The following TBX15 variants were observed in gnomAD, a reference collection of about 807,000 sequenced individuals.
TBX15 encodes T-box transcription factor TBX15.
Under a neutral mutation model 53.9 loss-of-function variants are expected in TBX15, and 18 were observed. The ratio of observed to expected loss-of-function variants is 0.33; its 90% CI spans 0.23 to 0.49. The LOEUF is 0.49. TBX15 is among the 20% of genes least tolerant of loss of function. The probability of loss-of-function intolerance (pLI) is 0.98; values close to 1 mark genes in which losing one functional copy is unlikely to be tolerated. For synonymous variants in TBX15, 295 were observed against 278.0 expected, an observed-to-expected ratio of 1.06 and a Z score of -0.61; for missense variants, 692 against 749.5, an observed-to-expected ratio of 0.92 and a Z score of 0.90.
intron 1 of TBX15, among the ~76,000 whole-genome samples, chr1:118,963,051 A>T (rs2101683115): frequency 6.6e-6 from 1 of 152,358 alleles, no homozygotes; most frequent in East Asian, 1.9e-4. Flanking sequence ...TTATCATTAC[A>T]TTGTCTAGTC....
intron 1 of TBX15, among the ~76,000 whole-genome samples, chr1:118,961,409 T>C (rs1656867630): frequency 1.3e-5 from 2 of 152,320 alleles, no homozygotes; most frequent in Middle Eastern, 3.4e-3. Flanking sequence ...GTCTCGATGT[T>C]TGCAAAGTAC....
In TBX15 at chr1:118,893,332, A is replaced by AGAAGGAAG. The variant is rs1229778000; in HGVS notation, c.1024+5688_1024+5695dup. Among the ~76,000 whole-genome samples the AGAAGGAAG allele has an allele frequency of 1.7e-3, 134 of 77,822 alleles. 1 individual carries two copies. The highest frequency in any genetic ancestry group is 7.3e-3 in the African/African-American group (79 of 10,840). 51.1% of individuals were successfully genotyped at this position (77,822 alleles called of 152,430 possible). On this transcript the variant is annotated intron_variant, in intron 7 of 7. Transcript: ENST00000369429. ...AAGGAAGGAAAGAAAGAAAGAAGAA[A>AGAAGGAAG]GAAGGAAGGAAGGAAGGAAGGAAGG...
At chr1:118,981,303 TACACACACACACACACACAC>T (rs35594301) in intron 1 of TBX15, among the ~76,000 whole-genome samples, 1 of 146,728 alleles carries the variant, frequency 6.8e-6, no homozygotes, top group Non-Finnish European at 1.5e-5. Flanking sequence ...TTAAACTAGC[TACACACACACACACACACAC>T]ACACACACAC....
At chr1:118,969,128 C>G (rs781061742) in intron 1 of TBX15, among the ~76,000 whole-genome samples, 2 of 152,164 alleles carry the variant, frequency 1.3e-5, no homozygotes, top group African/African-American at 4.8e-5. Flanking sequence ...TCCTTAGCAT[C>G]GTGGACAAAT....
rs745705458 is a variant in TBX15 at position 118,885,400 on chromosome 1, T to G, written c.1141A>C (p.Thr381Pro). 2.5e-6 allele frequency: 4 copies of G among 1,613,718 alleles called. No individual in the cohort carries two copies. Among genetic ancestry groups the G allele is most frequent in the Non-Finnish European group, 3.4e-6 (4 of 1,179,978 alleles). Residue 381 changes from threonine (T) to proline (P), a missense_variant, in exon 8 of 8, where the codon ACT (threonine) becomes CCT (proline). Physicochemically the swap from Thr to Pro is conservative, Grantham distance 38. Coordinates refer to ENST00000369429, the MANE Select transcript of TBX15 (RefSeq NM_001330677.2). ...SPPTFHLAPN[T>P]FNVGCRESQL... ...CTTTCTCGGCAGCCCACATTGAAAG[T>G]GTTGGGGGCCAGATGAAAAGTTGGA... is the stretch of plus-strand genomic sequence containing the variant.
At chr1:118,936,389 T>G (rs1408442645) in intron 1 of TBX15, among the ~76,000 whole-genome samples, 2 of 152,200 alleles carry the variant, frequency 1.3e-5, no homozygotes, top group East Asian at 3.9e-4. Context: ...ACTTAACAGT[T>G]AATTTTGAGG....
chr1:118,967,673 T>A (rs1218641884), intron 1 of TBX15, among the ~76,000 whole-genome samples: 1 of 152,236 alleles, frequency 6.6e-6, no homozygotes, highest in African/African-American at 2.4e-5. Context: ...ACTTGTGTTT[T>A]ATTCGATTTG....
chr1:118,945,022 G>T (rs1014102461), intron 1 of TBX15, among the ~76,000 whole-genome samples: 6 of 152,200 alleles, frequency 3.9e-5, no homozygotes, highest in Admixed American at 3.3e-4. Context: ...ATTACACAAT[G>T]CTGTTTAAAA....
At chr1:118,984,482 G>A (rs868624094) in intron 1 of TBX15, among the ~76,000 whole-genome samples, 22 of 152,364 alleles carry the variant, frequency 1.4e-4, no homozygotes, top group Middle Eastern at 3.4e-3. Flanking sequence ...AGATGGCGCC[G>A]CCGAGCGCCT....
intron 1 of TBX15, among the ~76,000 whole-genome samples, chr1:118,941,679 G>C (rs1430927610): frequency 1.3e-5 from 2 of 152,058 alleles, no homozygotes; most frequent in African/African-American, 2.4e-5. Context: ...GTGTTATTAG[G>C]GGCACAAAAT....
chr1:118,923,565 A>G lies in TBX15; in HGVS notation c.732T>C (p.Val244=). Residue 244 remains valine, a synonymous_variant, in exon 5 of 8, where the codon GTT becomes GTC. Coordinates refer to ENST00000369429, the MANE Select transcript of TBX15 (RefSeq NM_001330677.2). ...TGCTGAAGTCTTTGCGAATCACATGAACTCGAGGCTGGTATTTGTGCATAG... is the reference window on the plus strand; with the variant it reads ...TGCTGAAGTCTTTGCGAATCACATGGACTCGAGGCTGGTATTTGTGCATAG... ...LHSMHKYQPR[V]HVIRKDFSSD... is the part of the protein sequence containing the mutation. 1 of 1,613,998 alleles carries G rather than the reference A, an allele frequency of 6.2e-7. No homozygotes were observed. Among genetic ancestry groups the G allele is most frequent in the Non-Finnish European group, 8.5e-7 (1 of 1,179,918 alleles).
intron 3 of TBX15, 96 bp downstream of exon 3, chr1:118,926,414 A>G: frequency 9.4e-7 from 1 of 1,059,746 alleles, no homozygotes; most frequent in Non-Finnish European, 1.4e-6. Context: ...TTCTCTGTAC[A>G]GCATGCATTG....
intron 1 of TBX15, among the ~76,000 whole-genome samples, chr1:118,980,125 T>A (rs1288661148): frequency 6.6e-6 from 1 of 152,120 alleles, no homozygotes; most frequent in Non-Finnish European, 1.5e-5. Context: ...GGATCTGAAA[T>A]TCTTGGAGAG....
chr1:118,889,856 T>G (rs2101450677), intron 7 of TBX15, among the ~76,000 whole-genome samples: 1 of 152,268 alleles, frequency 6.6e-6, no homozygotes, highest in South Asian at 2.1e-4. Context: ...CAGGCTGGTC[T>G]TAAACTCCTG....
At chr1:118,963,252 A>C (rs1240096722) in intron 1 of TBX15, among the ~76,000 whole-genome samples, 1 of 152,256 alleles carries the variant, frequency 6.6e-6, no homozygotes, top group Non-Finnish European at 1.5e-5. Flanking sequence ...AAAATATAGC[A>C]AAAAGTTGAT....
intron 2 of TBX15, among the ~76,000 whole-genome samples, chr1:118,930,217 A>C (rs1184899894): frequency 1.3e-5 from 2 of 152,212 alleles, no homozygotes; most frequent in Non-Finnish European, 2.9e-5. Flanking sequence ...CAACCAAAAT[A>C]TTATTTTACT....
chr1:118,931,514 T>G, intron 2 of TBX15, 105 bp downstream of exon 2: 2 of 1,217,650 alleles, frequency 1.6e-6, no homozygotes, highest in Non-Finnish European at 2.4e-6. Context: ...GCAAGCTGCT[T>G]TGGTTTTGTT....
At chr1:118,941,569 T>C (rs2101636040) in intron 1 of TBX15, among the ~76,000 whole-genome samples, 1 of 152,196 alleles carries the variant, frequency 6.6e-6, no homozygotes, top group East Asian at 1.9e-4. Context: ...GACAACAATG[T>C]AACAACCTCT....
intron 1 of TBX15, among the ~76,000 whole-genome samples, chr1:118,937,439 C>T (rs1377478327): frequency 6.6e-6 from 1 of 152,184 alleles, no homozygotes; most frequent in African/African-American, 2.4e-5. Context: ...TTATCATCTA[C>T]ATGCTAAAGT....
Sources: gnomAD v4.1 joint callset for allele counts (sites outside exome capture counted in the v4.1 genomes callset) on GRCh38, gnomAD v4.1.1 for gene constraint, MANE v1.5 for transcripts, NCBI Gene and HGNC (gene_info 2026-07-23, HGNC 2026-07-21) for gene names.